The following STIM2 variants were observed in gnomAD, a reference collection of about 807,000 sequenced individuals.
STIM2 encodes stromal interaction molecule 2.
A neutral mutation model predicts 85.8 loss-of-function variants in STIM2; 31 were observed. The ratio of observed to expected loss-of-function variants is 0.36; its 90% CI spans 0.27 to 0.49. The LOEUF (loss-of-function observed/expected upper bound fraction) is 0.49, where lower values mean the gene tolerates loss of function less well. Among genes scored for constraint, STIM2 ranks in the 20% least tolerant of loss-of-function variants. The pLI, the probability that STIM2 is intolerant of heterozygous loss-of-function variation, is 0.98. For missense variants in STIM2, 841 were observed against 927.6 expected (o/e 0.91, Z 1.21); for synonymous variants, 356 against 331.1 (o/e 1.08, Z -0.82).
chr4:26,957,737 C>T lies in STIM2; in HGVS notation c.397+11C>T, dbSNP rs753541234. The T allele has an allele frequency of 3.2e-6, 5 of 1,539,120 alleles. No homozygotes were observed. Among genetic ancestry groups the T allele is most frequent in the Non-Finnish European group, 4.5e-6 (5 of 1,122,268 alleles). ...GGAAAACATCAGAAGGTAAGACTGC[C>T]TTTGTGATCTGGCCCCCTCCCCTTC... On this transcript the variant is annotated intron_variant, in intron 3 of 11. Coordinates refer to ENST00000467087, the MANE Select transcript of STIM2 (RefSeq NM_020860.4).
intron 6 of STIM2, 45 bp downstream of exon 6, chr4:27,002,439 T>C: frequency 6.6e-7 from 1 of 1,505,086 alleles, no homozygotes. Context: ...GCAAATACAA[T>C]TTGTAAAAAA....
At chr4:26,873,895 G>A (rs1722722268) in intron 1 of STIM2, 1 of 1,360,488 alleles carries the variant, frequency 7.4e-7, no homozygotes, top group Admixed American at 1.9e-5. Flanking sequence ...TCTCCCAGGG[G>A]TCTGCGGCTG....
intron 3 of STIM2, among the ~76,000 whole-genome samples, chr4:26,962,609 TC>T (rs1726525054): frequency 1.2e-5 from 1 of 80,776 alleles, no homozygotes; most frequent in Non-Finnish European, 2.6e-5. Context: ...TGTATGTGTG[TC>T]TGTGTCTGTG....
chr4:27,021,715 A>C (rs1272991663), intron 11 of STIM2: 1 of 439,178 alleles, frequency 2.3e-6, no homozygotes, highest in Non-Finnish European at 4.6e-6. Context: ...AGGAAGACCA[A>C]TTAGGAAGCC....
At chr4:26,995,322 ATGTATTTCTGAAAGCAGG>A in intron 3 of STIM2, 39 bp from the exon 4 acceptor site, 1 of 871,420 alleles carries the variant, frequency 1.1e-6, no homozygotes, top group Non-Finnish European at 1.7e-6. Flanking sequence ...ATTATAGAAT[ATGTATTTCTGAAAGCAGG>A]TGTGTTTAAA....
At chr4:26,997,641 C>A (rs1336070096) in intron 4 of STIM2, among the ~76,000 whole-genome samples, 1 of 152,202 alleles carries the variant, frequency 6.6e-6, no homozygotes, top group Admixed American at 6.5e-5. Context: ...ATTCATGCAT[C>A]CATACCTACA....
At chr4:26,951,117 G>C (rs543473420) in intron 2 of STIM2, among the ~76,000 whole-genome samples, 2 of 152,076 alleles carry the variant, frequency 1.3e-5, no homozygotes, top group African/African-American at 4.8e-5. Flanking sequence ...GTTTATTACT[G>C]GTGGGCAGTT....
intron 1 of STIM2, among the ~76,000 whole-genome samples, chr4:26,890,697 G>A (rs1056474346): frequency 2.6e-5 from 4 of 151,126 alleles, no homozygotes; most frequent in African/African-American, 4.9e-5. Context: ...AGTGGCGGGC[G>A]CCTGTAGTCC....
intron 1 of STIM2, among the ~76,000 whole-genome samples, chr4:26,881,896 A>G (rs1723028259): frequency 1.3e-5 from 2 of 152,336 alleles, no homozygotes; most frequent in Admixed American, 6.5e-5. Context: ...TTTTAAGGGC[A>G]GCTTCCTAGA....
rs529396311 is a variant in STIM2 at position 26,860,924 on chromosome 4, CTTTTTTTTT to C, written c.-285_-277del. The C allele has an allele frequency of 1.1e-6, 1 of 908,602 alleles. No homozygotes were observed. Among genetic ancestry groups the C allele is most frequent in the African/African-American group, 1.9e-5 (1 of 51,834 alleles). 56.3% of individuals were successfully genotyped at this position (908,602 alleles called of 1,614,324 possible). ...GACGCCGTACCTTTCTACCCCCCAC[CTTTTTTTTT>C]TTTTTTTTTAAATAACCGGAACCAA... On this transcript the variant is annotated 5_prime_UTR_variant, in exon 1 of 12. Transcript: ENST00000467087.
intron 2 of STIM2, among the ~76,000 whole-genome samples, chr4:26,928,103 G>A (rs1725049809): frequency 1.3e-5 from 2 of 151,814 alleles, no homozygotes; most frequent in African/African-American, 2.4e-5. Context: ...TTTATGGGGT[G>A]GAAGTAGAAG....
intron 2 of STIM2, among the ~76,000 whole-genome samples, chr4:26,932,569 A>G (rs952501523): frequency 2.0e-5 from 3 of 152,174 alleles, no homozygotes; most frequent in Non-Finnish European, 4.4e-5. Flanking sequence ...TAAATTTTTC[A>G]TGGTAGTATA....
At chr4:26,861,509 T>G in intron 1 of STIM2, 140 bp downstream of exon 1, 1 of 1,198,968 alleles carries the variant, frequency 8.3e-7, no homozygotes. Context: ...GCCTGCTGCT[T>G]CGTCGCGGTC....
intron 2 of STIM2, among the ~76,000 whole-genome samples, chr4:26,953,797 A>G (rs558111735): frequency 5.5e-4 from 83 of 152,022 alleles, no homozygotes; most frequent in African/African-American, 1.8e-3. Context: ...GACTGTCTCG[A>G]CTACTCATAA....
intron 1 of STIM2, chr4:26,873,751 T>A (rs1722714179): frequency 1.1e-6 from 1 of 884,718 alleles, no homozygotes; most frequent in African/African-American, 1.7e-5. Flanking sequence ...AGGCTCTAGG[T>A]CACTGTCAGA....
intron 11 of STIM2, among the ~76,000 whole-genome samples, chr4:27,020,555 C>T (rs1327561211): frequency 5.3e-5 from 8 of 152,124 alleles, no homozygotes; most frequent in East Asian, 1.9e-4. Flanking sequence ...GCTTGTAGTG[C>T]AGTAAAGACG....
chr4:26,876,970 C>T (rs1014749284), intron 1 of STIM2, among the ~76,000 whole-genome samples: 6 of 151,994 alleles, frequency 3.9e-5, no homozygotes, highest in African/African-American at 1.4e-4. Context: ...CTTTGACTTG[C>T]CTGATTTAAG....
chr4:26,986,676 A>T (rs997402802), intron 3 of STIM2, among the ~76,000 whole-genome samples: 1 of 152,200 alleles, frequency 6.6e-6, no homozygotes, highest in Admixed American at 6.5e-5. Context: ...TGCTACCTCC[A>T]CTATGTTATT....
chr4:26,964,705 G>A (rs146160204), intron 3 of STIM2, among the ~76,000 whole-genome samples: 2,571 of 152,172 alleles, frequency 0.017, 35 homozygotes, highest in Non-Finnish European at 0.027. Flanking sequence ...CCTTGTCCTA[G>A]GTACAAAAGA....
Sources: gnomAD v4.1 joint callset for allele counts (sites outside exome capture counted in the v4.1 genomes callset) on GRCh38, gnomAD v4.1.1 for gene constraint, MANE v1.5 for transcripts, NCBI Gene and HGNC (gene_info 2026-07-23, HGNC 2026-07-21) for gene names.